PCDHGB3: variants seen among roughly 807,000 people sequenced by gnomAD.
PCDHGB3 encodes protocadherin gamma-B3.
Under a neutral mutation model 59.2 loss-of-function variants are expected in PCDHGB3, and 40 were observed. The observed-to-expected ratio is 0.68, with a 90% CI of 0.52 to 0.88. The LOEUF (loss-of-function observed/expected upper bound fraction) is 0.88. PCDHGB3 is among the 40% of genes least tolerant of loss of function. The pLI is 0.00. For synonymous variants in PCDHGB3, 581 were observed against 503.6 expected (o/e 1.15, Z -2.06); for missense variants, 1,309 against 1,187.9 (o/e 1.10, Z -1.50).
rs183831513 is a variant in PCDHGB3 at position 141,497,605 on chromosome 5, T to A, written c.2474+2740T>A. ...CCCAAGCTGGAGTGCAGTGGTGCGA[T>A]CTTGGCTCACTGCAACCTCTGCCTG... On this transcript the variant is annotated intron_variant, in intron 2 of 3. Coordinates refer to ENST00000576222, the MANE Select transcript of PCDHGB3 (RefSeq NM_018924.5). Among the ~76,000 whole-genome samples, 19 of 151,488 alleles carry A rather than the reference T, an allele frequency of 1.3e-4. No individual in the cohort carries two copies. In the East Asian group the frequency reaches 3.7e-3, roughly 29 times the overall value.
In PCDHGB3 at chr5:141,432,357, T is replaced by C. The variant is rs778669079; in HGVS notation, c.2415+59548T>C. 6.2e-7 allele frequency: 1 copy of C among 1,614,244 alleles called. No homozygotes were observed. Among genetic ancestry groups the C allele is most frequent in the African/African-American group, 1.3e-5 (1 of 75,072 alleles). The stretch of plus-strand genomic sequence containing the variant: ...TTCCGAGACTTGCAAGTGAAAGTGA[T>C]GGCGCGGGACAACGGGCACCCGCCC... On this transcript the variant is annotated intron_variant, in intron 1 of 3. Coordinates refer to ENST00000576222, the MANE Select transcript of PCDHGB3 (RefSeq NM_018924.5). This position sits in a 1 kb window ranked among gnomAD's most constrained non-coding sequence, Gnocchi z 6.0.
intron 1 of PCDHGB3, among the ~76,000 whole-genome samples, chr5:141,448,086 TAA>T (rs558292628): frequency 6.8e-6 from 1 of 146,354 alleles, no homozygotes; most frequent in Middle Eastern, 3.2e-3. Flanking sequence ...AATGCCATCT[TAA>T]AAAAAAAAAA....
At chr5:141,427,969 A>G (rs1239461810) in intron 1 of PCDHGB3, 1 of 1,591,942 alleles carries the variant, frequency 6.3e-7, no homozygotes, top group Admixed American at 1.7e-5. Context: ...CGGGTGCTGT[A>G]CCCCGCGCTG....
chr5:141,413,002 G>A, intron 1 of PCDHGB3: 2 of 597,506 alleles, frequency 3.3e-6, no homozygotes, highest in East Asian at 3.0e-5. Context: ...GGATTCTCAG[G>A]GCTTCAACTA....
At chr5:141,460,983 G>GTGTGTA (rs1554142949) in intron 1 of PCDHGB3, among the ~76,000 whole-genome samples, 82 of 137,842 alleles carry the variant, frequency 5.9e-4, no homozygotes, top group African/African-American at 1.9e-3. Flanking sequence ...GTGTGTGTGT[G>GTGTGTA]TATATATATA....
chr5:141,371,027 C>A lies in PCDHGB3; in HGVS notation c.633C>A (p.Val211=). ...DREEQPHHHL[V]LTAVDGGEPS... ...AAGAGCAGCCACATCACCACCTGGT[C>A]CTCACAGCTGTGGATGGGGGCGAGC... The change falls in exon 1 of 4, where the codon GTC becomes GTA. Residue 211 remains valine (V), a synonymous_variant. Coordinates refer to ENST00000576222, the MANE Select transcript of PCDHGB3 (RefSeq NM_018924.5). The A allele has an allele frequency of 6.2e-7, 1 of 1,613,992 alleles. No individual in the cohort carries two copies. Among genetic ancestry groups the A allele is most frequent in the South Asian group, 1.1e-5 (1 of 91,086 alleles).
chr5:141,375,588 C>A, intron 1 of PCDHGB3: 1 of 1,614,180 alleles, frequency 6.2e-7, no homozygotes, highest in Non-Finnish European at 8.5e-7. Context: ...GCGCCCCTGT[C>A]CTCCTACGTG....
At position 141,419,169 on chromosome 5, in the gene PCDHGB3, C is replaced by T. The variant is rs746258255; in HGVS notation, c.2415+46360C>T. 73 of 1,613,970 alleles carry T rather than the reference C, an allele frequency of 4.5e-5. No homozygotes were observed. The highest frequency in any genetic ancestry group is 3.3e-4 in the Middle Eastern group (2 of 6,062). The stretch of plus-strand genomic sequence containing the variant: ...AAGCCTCCGTTATCCTCCAGCAAAA[C>T]CATAACCCTGCACATTACTGACGTC... On this transcript the variant is annotated intron_variant, in intron 1 of 3. Coordinates refer to ENST00000576222, the MANE Select transcript of PCDHGB3 (RefSeq NM_018924.5).
At chr5:141,409,429 C>T (rs767514268) in intron 1 of PCDHGB3, 3 of 1,613,872 alleles carry the variant, frequency 1.9e-6, no homozygotes, top group African/African-American at 1.3e-5. Flanking sequence ...CAGATGGAGC[C>T]CTGGACCGAG....
intron 1 of PCDHGB3, chr5:141,388,189 G>A: frequency 1.3e-6 from 2 of 1,542,748 alleles, no homozygotes; most frequent in Admixed American, 1.7e-5. Context: ...AAGCCAGCTT[G>A]TGCTCTGGAA....
At chr5:141,467,939 A>G (rs2099154812) in intron 1 of PCDHGB3, among the ~76,000 whole-genome samples, 2 of 152,190 alleles carry the variant, frequency 1.3e-5, no homozygotes, top group Admixed American at 6.5e-5. Context: ...GATTACAAGC[A>G]TGAGCCACCA....
intron 1 of PCDHGB3, among the ~76,000 whole-genome samples, chr5:141,406,857 A>T (rs1377435171): frequency 2.0e-5 from 3 of 152,244 alleles, no homozygotes; most frequent in Admixed American, 2.0e-4. Flanking sequence ...TTAAGAAAAT[A>T]TTCTCAGGAA....
intron 1 of PCDHGB3, among the ~76,000 whole-genome samples, chr5:141,482,356 G>A (rs1330274684): frequency 6.6e-6 from 1 of 152,118 alleles, no homozygotes; most frequent in Non-Finnish European, 1.5e-5. Flanking sequence ...TGTTGTGAGA[G>A]TGAAAAGTAA....
At chr5:141,503,743 G>C (rs1465272424) in intron 2 of PCDHGB3, among the ~76,000 whole-genome samples, 1 of 152,126 alleles carries the variant, frequency 6.6e-6, no homozygotes, top group Non-Finnish European at 1.5e-5. Context: ...TGATGGTATA[G>C]AGGTCACACA....
intron 1 of PCDHGB3, chr5:141,395,542 T>G (rs1357533541): frequency 1.8e-5 from 3 of 170,278 alleles, no homozygotes; most frequent in South Asian, 8.8e-5. Context: ...TTGCTATTGT[T>G]TGTGTGTGTG....
intron 1 of PCDHGB3, chr5:141,422,052 C>T: frequency 6.2e-7 from 1 of 1,611,298 alleles, no homozygotes; most frequent in Non-Finnish European, 8.5e-7. Flanking sequence ...AGGGAATCAA[C>T]GGGGAAGTAA....
chr5:141,473,860 A>G (rs184722742), intron 1 of PCDHGB3, among the ~76,000 whole-genome samples: 409 of 152,318 alleles, frequency 2.7e-3, no homozygotes, highest in Middle Eastern at 6.8e-3. Context: ...GAACCTCGCT[A>G]TTGTGGAGAA....
At chr5:141,454,181 G>A (rs1290295830) in intron 1 of PCDHGB3, among the ~76,000 whole-genome samples, 1 of 152,200 alleles carries the variant, frequency 6.6e-6, no homozygotes, top group Non-Finnish European at 1.5e-5. Context: ...GCAGCTAAAG[G>A]AGCTTAGTGA....
chr5:141,481,924 A>G (rs1189494301), intron 1 of PCDHGB3, among the ~76,000 whole-genome samples: 1 of 151,648 alleles, frequency 6.6e-6, no homozygotes, highest in Non-Finnish European at 1.5e-5. Context: ...AAAAAAAAAA[A>G]AAAAAAAAAA....
Sources: allele counts gnomAD v4.1 joint callset (sites outside exome capture counted in the v4.1 genomes callset), GRCh38; gene constraint gnomAD v4.1.1; non-coding constraint Gnocchi (gnomAD v3.1); transcripts MANE v1.5; gene names NCBI Gene and HGNC (gene_info 2026-07-23, HGNC 2026-07-21).